LYPLAL1: variants seen among roughly 807,000 people sequenced by gnomAD.
LYPLAL1 encodes lysophospholipase like 1.
In LYPLAL1, 23 loss-of-function variants were observed where a neutral mutation model predicts 19.7. The observed-to-expected ratio is 1.17, with a 90% CI of 0.84 to 1.65. The LOEUF (loss-of-function observed/expected upper bound fraction) is 1.65. Among genes scored for constraint, LYPLAL1 ranks in the 40% most tolerant of loss-of-function variants. The pLI is 0.00. For synonymous variants in LYPLAL1, 119 were observed against 96.3 expected, an observed-to-expected ratio of 1.24 and a Z score of -1.38; for missense variants, 355 against 279.4, an observed-to-expected ratio of 1.27 and a Z score of -1.93.
the LYPLAL1 span, among the ~76,000 whole-genome samples, chr1:219,429,640 G>A: frequency 1.3e-5 from 2 of 152,108 alleles, no homozygotes; most frequent in African/African-American, 2.4e-5. Flanking sequence ...CTGGGTGGCA[G>A]AGTGAGACCC....
the LYPLAL1 span, among the ~76,000 whole-genome samples, chr1:219,316,429 T>C: frequency 6.6e-6 from 1 of 152,188 alleles, no homozygotes; most frequent in Non-Finnish European, 1.5e-5. Context: ...TGTCTGGATT[T>C]AGTATCAGGG....
the LYPLAL1 span, among the ~76,000 whole-genome samples, chr1:219,287,539 G>T: frequency 1.3e-5 from 2 of 152,088 alleles, no homozygotes; most frequent in African/African-American, 4.8e-5. Context: ...TCTATTAGAC[G>T]CCTACACATC....
the LYPLAL1 span, among the ~76,000 whole-genome samples, chr1:219,220,736 G>A: frequency 2.0e-5 from 3 of 152,066 alleles, no homozygotes; most frequent in African/African-American, 7.2e-5. Context: ...ATTATAGCGA[G>A]CATAAAAGAT....
chr1:219,429,080 G>A, the LYPLAL1 span, among the ~76,000 whole-genome samples: 4 of 152,130 alleles, frequency 2.6e-5, no homozygotes, highest in African/African-American at 9.7e-5. Context: ...TGCTTAGTGG[G>A]ACTCTTCCAG....
At chr1:219,412,942 C>T in the LYPLAL1 span, among the ~76,000 whole-genome samples, 281 of 152,274 alleles carry the variant, frequency 1.8e-3, 1 homozygote, top group Admixed American at 5.8e-3. Flanking sequence ...AAAAGGAACC[C>T]TATAAGACAT....
At chr1:219,431,695 T>G in the LYPLAL1 span, among the ~76,000 whole-genome samples, 3 of 152,230 alleles carry the variant, frequency 2.0e-5, no homozygotes, top group Non-Finnish European at 2.9e-5. Context: ...TTCTCCTTTC[T>G]TGCTTGTTCT....
the LYPLAL1 span, among the ~76,000 whole-genome samples, chr1:219,256,380 A>T: frequency 6.6e-6 from 1 of 151,900 alleles, no homozygotes; most frequent in East Asian, 1.9e-4. Context: ...GAATATCTTT[A>T]CAAAATGTAA....
the LYPLAL1 span, among the ~76,000 whole-genome samples, chr1:219,242,431 A>T: frequency 1.3e-4 from 20 of 152,330 alleles, no homozygotes; most frequent in African/African-American, 4.6e-4. Context: ...TGAACAAAGT[A>T]GTCCCTTCCA....
At chr1:219,409,356 G>A in the LYPLAL1 span, among the ~76,000 whole-genome samples, 1 of 151,972 alleles carries the variant, frequency 6.6e-6, no homozygotes, top group Non-Finnish European at 1.5e-5. Context: ...GGCTGAGGTG[G>A]GAGGAACACT....
chr1:219,363,693 T>C, the LYPLAL1 span, among the ~76,000 whole-genome samples: 10 of 152,156 alleles, frequency 6.6e-5, no homozygotes, highest in Admixed American at 2.6e-4. Flanking sequence ...CAAAGTCATT[T>C]TGAACCACTC....
chr1:219,339,399 A>G, the LYPLAL1 span, among the ~76,000 whole-genome samples: 1 of 152,186 alleles, frequency 6.6e-6, no homozygotes, highest in African/African-American at 2.4e-5. Flanking sequence ...GATAATAGCT[A>G]TGAGAAAGTT....
the LYPLAL1 span, among the ~76,000 whole-genome samples, chr1:219,261,130 A>G: frequency 6.6e-6 from 1 of 152,172 alleles, no homozygotes; most frequent in African/African-American, 2.4e-5. Context: ...TTTAGAAAAG[A>G]AAGAGAAAAA....
the LYPLAL1 span, among the ~76,000 whole-genome samples, chr1:219,368,234 T>A: frequency 6.6e-6 from 1 of 152,316 alleles, no homozygotes; most frequent in East Asian, 1.9e-4. Context: ...TTCTTACCTT[T>A]CTGTGCTCTC....
rs147086924 is a variant in LYPLAL1, at chr1:219,189,302, A to G, written c.192-3780A>G. 1.8e-3 allele frequency among the ~76,000 whole-genome samples: 270 copies of G among 151,806 alleles called. 1 individual carries two copies. Among genetic ancestry groups the G allele is most frequent in the African/African-American group, 6.3e-3 (261 of 41,488 alleles). ...GGAAGTAGAACAATTCAGAAGGGTA[A>G]TAGGCTCATTTGAATTTTAAAGTGA... is the stretch of plus-strand genomic sequence containing the variant. On this transcript the variant is annotated intron_variant, in intron 2 of 4. Coordinates refer to ENST00000366928, the MANE Select transcript of LYPLAL1 (RefSeq NM_138794.5).
At chr1:219,285,200 T>C in the LYPLAL1 span, among the ~76,000 whole-genome samples, 6 of 152,342 alleles carry the variant, frequency 3.9e-5, no homozygotes, top group Middle Eastern at 3.4e-3. Flanking sequence ...ATAAAGCACT[T>C]TTCTCATCTT....
the LYPLAL1 span, among the ~76,000 whole-genome samples, chr1:219,352,116 G>A: frequency 6.6e-6 from 1 of 152,206 alleles, no homozygotes; most frequent in African/African-American, 2.4e-5. Flanking sequence ...AGAGCTTAAG[G>A]TCTGCAGACA....
At chr1:219,346,001 G>A in the LYPLAL1 span, among the ~76,000 whole-genome samples, 1 of 152,148 alleles carries the variant, frequency 6.6e-6, no homozygotes, top group Admixed American at 6.5e-5. Flanking sequence ...ACATGGAGTT[G>A]TACAAGGAAA....
the LYPLAL1 span, among the ~76,000 whole-genome samples, chr1:219,369,455 G>A: frequency 6.6e-5 from 10 of 152,322 alleles, no homozygotes; most frequent in African/African-American, 2.2e-4. Flanking sequence ...TGTATTTTTA[G>A]TAGAGGCAGG....
Position 219,193,244 on chromosome 1 carries a change from A to G in LYPLAL1, c.354A>G (p.Ile118Met), listed in dbSNP as rs1453556818. 1.2e-6 allele frequency: 2 copies of G among 1,608,342 alleles called. No homozygotes were observed. The highest frequency in any genetic ancestry group is 1.3e-5 in the African/African-American group (1 of 74,804). ...AAAGTGGCATCAAGAAGAACAGGAT[A>G]TTAATAGGTAAGACCTTTAAATGTT... ...EVKSGIKKNRILIGGFSMGGC... is the reference protein window; with the variant it reads ...EVKSGIKKNRMLIGGFSMGGC... Residue 118 changes from isoleucine (I) to methionine (M), a missense_variant, in exon 3 of 5, where the codon ATA (isoleucine) becomes ATG (methionine). Coordinates refer to ENST00000366928, the MANE Select transcript of LYPLAL1 (RefSeq NM_138794.5).
Sources: gnomAD v4.1 joint callset for allele counts (sites outside exome capture counted in the v4.1 genomes callset) on GRCh38, gnomAD v4.1.1 for gene constraint, MANE v1.5 for transcripts, NCBI Gene and HGNC (gene_info 2026-07-23, HGNC 2026-07-21) for gene names.